The following LRRC4C variants were observed in gnomAD, a reference collection of about 807,000 sequenced individuals.
LRRC4C encodes the protein leucine rich repeat containing 4C, also known as leucine-rich repeat-containing protein 4C.
A neutral mutation model predicts 33.6 loss-of-function variants in LRRC4C; 5 were observed. The observed-to-expected ratio is 0.15, with a 90% CI of 0.08 to 0.31. The LOEUF (loss-of-function observed/expected upper bound fraction) is 0.31. Among genes scored for constraint, LRRC4C ranks in the 10% least tolerant of loss-of-function variants. The pLI is 1.00. For missense variants in LRRC4C, 560 were observed against 796.7 expected, an observed-to-expected ratio of 0.70 and a Z score of 3.58; for synonymous variants, 329 against 302.0, an observed-to-expected ratio of 1.09 and a Z score of -0.93.
At chr11:40,957,012 A>G (rs73484736) in intron 1 of LRRC4C, among the ~76,000 whole-genome samples, 2,250 of 151,876 alleles carry the variant, frequency 0.015, 58 homozygotes, top group African/African-American at 0.051. Flanking sequence ...AAGATTTGAA[A>G]ATTCTGAGCA....
In LRRC4C at chr11:41,409,450, C is replaced by T. The variant is rs574950841; in HGVS notation, c.-496+49981G>A. ...CAGGCAAAATGCCAAGAATTTTGCT[C>T]GCATTATTTTATTTAATCCTCATGA... On this transcript the variant is annotated intron_variant, in intron 1 of 6. Transcript: ENST00000528697. 1.8e-4 allele frequency among the ~76,000 whole-genome samples: 28 copies of T among 152,164 alleles called. No homozygotes were observed. The South Asian group carries it at 2.1e-3, about 11-fold the overall frequency.
intron 3 of LRRC4C, among the ~76,000 whole-genome samples, chr11:40,470,611 C>T (rs1952885071): frequency 6.6e-6 from 1 of 152,110 alleles, no homozygotes; most frequent in African/African-American, 2.4e-5. Flanking sequence ...CATGTTCTAA[C>T]CCAATGCAAG....
At chr11:40,971,314 C>T (rs572094853) in intron 1 of LRRC4C, among the ~76,000 whole-genome samples, 1 of 152,312 alleles carries the variant, frequency 6.6e-6, no homozygotes, top group South Asian at 2.1e-4. Flanking sequence ...ACCCTGGTCC[C>T]TGCATTCTAG....
intron 2 of LRRC4C, among the ~76,000 whole-genome samples, chr11:40,670,780 T>C (rs1944050559): frequency 1.3e-5 from 2 of 152,180 alleles, no homozygotes; most frequent in Non-Finnish European, 2.9e-5. Context: ...GTTTTTGTTT[T>C]TGAGACGGAG....
intron 3 of LRRC4C, among the ~76,000 whole-genome samples, chr11:40,622,522 G>A (rs1962553193): frequency 1.3e-5 from 2 of 151,846 alleles, no homozygotes; most frequent in East Asian, 1.9e-4. Flanking sequence ...TGAGAGTCAA[G>A]CCGCATTCTA....
intron 1 of LRRC4C, among the ~76,000 whole-genome samples, chr11:40,937,423 T>A (rs1957951879): frequency 6.6e-6 from 1 of 151,974 alleles, no homozygotes; most frequent in Non-Finnish European, 1.5e-5. Flanking sequence ...CACAAAAGAT[T>A]CCCTTGTAAT....
intron 1 of LRRC4C, among the ~76,000 whole-genome samples, chr11:40,978,787 A>T (rs1235747317): frequency 6.8e-6 from 1 of 147,202 alleles, no homozygotes; most frequent in African/African-American, 2.5e-5. Context: ...ATGCCCGGCT[A>T]TTTTTTTTTT....
rs76147558 is a variant in LRRC4C, at chr11:40,607,210, A to G, written c.-270+40932T>C. On this transcript the variant is annotated intron_variant, in intron 3 of 6. Transcript: ENST00000528697. ...CCTGCTTTACAATAAATGCTAAAGA[A>G]TGTTCTTTAAATCGAAATTGGTACA... 5.2e-3 allele frequency among the ~76,000 whole-genome samples: 785 copies of G among 152,300 alleles called. 7 individuals carry two copies. The highest frequency in any genetic ancestry group is 0.018 in the African/African-American group (754 of 41,580).
chr11:40,678,322 T>G (rs1485242545), intron 2 of LRRC4C, among the ~76,000 whole-genome samples: 1 of 152,088 alleles, frequency 6.6e-6, no homozygotes, highest in African/African-American at 2.4e-5. Context: ...TAGTCCCCAG[T>G]GTCCATTTAA....
At chr11:41,002,640 G>T (rs1854469188) in intron 1 of LRRC4C, among the ~76,000 whole-genome samples, 1 of 152,158 alleles carries the variant, frequency 6.6e-6, no homozygotes, top group Admixed American at 6.6e-5. Flanking sequence ...TTCATGCTGA[G>T]CAATTTAACA....
intron 1 of LRRC4C, among the ~76,000 whole-genome samples, chr11:41,013,802 ACT>A (rs1261442798): frequency 6.6e-6 from 1 of 152,126 alleles, no homozygotes; most frequent in African/African-American, 2.4e-5. Context: ...AGTTCTGCAA[ACT>A]CTACAGTAAG....
intron 2 of LRRC4C, among the ~76,000 whole-genome samples, chr11:40,763,357 A>G (rs1949313941): frequency 6.6e-6 from 1 of 152,100 alleles, no homozygotes; most frequent in African/African-American, 2.4e-5. Context: ...CAGAAGAATA[A>G]CTATCAAGAA....
Position 40,123,316 on chromosome 11 carries a change from G to A in LRRC4C, c.-42-6982C>T, listed in dbSNP as rs148582307. ...AGAAGAGGTCAAATTATCTTTGTTT[G>A]CAGATGATATGATCTTATATTTGGA... On this transcript the variant is annotated intron_variant, in intron 6 of 6. Transcript: ENST00000528697. Among the ~76,000 whole-genome samples the A allele has an allele frequency of 9.6e-3, 1,466 of 152,122 alleles. 27 individuals are homozygous for A. Among genetic ancestry groups the A allele is most frequent in the African/African-American group, 0.034 (1,401 of 41,496 alleles).
rs138441081 is a variant in LRRC4C, at chr11:40,622,655, A to T, written c.-270+25487T>A. Among the ~76,000 whole-genome samples, 235 of 152,012 alleles carry T rather than the reference A, an allele frequency of 1.5e-3. 1 individual carries two copies. The highest frequency in any genetic ancestry group is 5.0e-3 in the Admixed American group (76 of 15,236). On this transcript the variant is annotated intron_variant, in intron 3 of 6. Coordinates refer to ENST00000528697, the MANE Select transcript of LRRC4C (RefSeq NM_001258419.2). ...AATCTTAATGAATTAACTTAATATT[A>T]TATTGTTTAAACTTTTTGCTAAAGG... is the stretch of plus-strand genomic sequence containing the variant.
chr11:41,304,530 A>G (rs1389567556), intron 1 of LRRC4C, among the ~76,000 whole-genome samples: 66 of 39,738 alleles, frequency 1.7e-3, no homozygotes, highest in Admixed American at 3.0e-3. Flanking sequence ...AGGTGGGGGT[A>G]TCAGCCCCCC....
chr11:40,697,071 A>T (rs537423088), intron 2 of LRRC4C, among the ~76,000 whole-genome samples: 60 of 152,172 alleles, frequency 3.9e-4, no homozygotes, highest in African/African-American at 1.4e-3. Context: ...CTTTTCATTA[A>T]TCCGACATTT....
chr11:41,083,071 T>C (rs560622211), intron 1 of LRRC4C, among the ~76,000 whole-genome samples: 2 of 152,234 alleles, frequency 1.3e-5, no homozygotes, highest in South Asian at 2.1e-4. Context: ...AGGGCACCTT[T>C]ATTCACCAGA....
At chr11:41,129,734 T>C (rs1221948571) in intron 1 of LRRC4C, among the ~76,000 whole-genome samples, 2 of 152,022 alleles carry the variant, frequency 1.3e-5, no homozygotes, top group African/African-American at 4.8e-5. Context: ...GACCACAGAC[T>C]AGCTCCTTAG....
chr11:40,195,476 A>C (rs1447847257), intron 5 of LRRC4C, among the ~76,000 whole-genome samples: 1 of 152,094 alleles, frequency 6.6e-6, no homozygotes, highest in Non-Finnish European at 1.5e-5. Flanking sequence ...AAACTGTTCT[A>C]AGATTTCTTG....
Sources: allele counts gnomAD v4.1 joint callset (sites outside exome capture counted in the v4.1 genomes callset), GRCh38; gene constraint gnomAD v4.1.1; transcripts MANE v1.5; gene names NCBI Gene and HGNC (gene_info 2026-07-23, HGNC 2026-07-21).